SHLD1: variants seen among roughly 807,000 people sequenced by gnomAD.
SHLD1 encodes shieldin complex subunit 1.
In SHLD1, 3 loss-of-function variants were observed where a neutral mutation model predicts 5.5. The observed-to-expected ratio is 0.54, with a 90% CI of 0.25 to 1.40. The LOEUF (loss-of-function observed/expected upper bound fraction) is 1.40. SHLD1 is among the 40% of genes most tolerant of loss of function. SHLD1 has a pLI of 0.15. For synonymous variants in SHLD1, 92 were observed against 94.3 expected (o/e 0.98, Z 0.14); for missense variants, 210 against 244.4 (o/e 0.86, Z 0.94).
chr20:5,758,682 G>A (rs1364720493), intron 1 of SHLD1, among the ~76,000 whole-genome samples: 1 of 152,102 alleles, frequency 6.6e-6, no homozygotes, highest in African/African-American at 2.4e-5. Context: ...GCCTCCCAAA[G>A]TGCTGGGATT....
In SHLD1 at chr20:5,813,945, CTTTTTTT is replaced by C. The variant is rs143110037; in HGVS notation, c.178+40921_178+40927del. On this transcript the variant is annotated intron_variant, in intron 2 of 2. Coordinates refer to ENST00000303142, the MANE Select transcript of SHLD1 (RefSeq NM_152504.4). ...CTCAAACACCTTTTTCCTTTTCTTT[CTTTTTTT>C]TTTTTTTTTTTTTTTTTTGAGACAG... is the stretch of plus-strand genomic sequence containing the variant. 1.8e-3 allele frequency among the ~76,000 whole-genome samples: 144 copies of C among 79,986 alleles called. 1 individual carries two copies. Among genetic ancestry groups the C allele is most frequent in the African/African-American group, 6.2e-3 (132 of 21,270 alleles). The allele number at this position is 79,986 out of a possible 152,430, so 52.5% of individuals were successfully genotyped here.
At chr20:5,834,355 A>C (rs1478075294) in intron 2 of SHLD1, among the ~76,000 whole-genome samples, 2 of 152,230 alleles carry the variant, frequency 1.3e-5, no homozygotes, top group Admixed American at 1.3e-4. Context: ...ACTTTTATGC[A>C]GAAGAACTTA....
chr20:5,769,049 G>A (rs1985002851), intron 1 of SHLD1, among the ~76,000 whole-genome samples: 2 of 152,016 alleles, frequency 1.3e-5, no homozygotes, highest in Admixed American at 1.3e-4. Context: ...GGGACTATAG[G>A]CACATGCCAC....
intron 1 of SHLD1, among the ~76,000 whole-genome samples, chr20:5,766,135 C>T (rs1009257260): frequency 6.6e-6 from 1 of 152,152 alleles, no homozygotes; most frequent in Non-Finnish European, 1.5e-5. Context: ...TTCATTGACC[C>T]GTTTGTTCCC....
intron 2 of SHLD1, among the ~76,000 whole-genome samples, chr20:5,825,142 T>TA (rs2087651643): frequency 6.6e-6 from 1 of 152,212 alleles, no homozygotes; most frequent in South Asian, 2.1e-4. Flanking sequence ...CTCTTGCACA[T>TA]AAAAAATGAG....
intron 2 of SHLD1, among the ~76,000 whole-genome samples, chr20:5,843,219 G>A (rs1382298415): frequency 6.6e-6 from 1 of 151,200 alleles, no homozygotes; most frequent in Non-Finnish European, 1.5e-5. Flanking sequence ...TGGCTTAGAG[G>A]TTTTTAGACC....
intron 2 of SHLD1, among the ~76,000 whole-genome samples, chr20:5,807,430 A>G (rs2087394480): frequency 6.9e-6 from 1 of 145,654 alleles, no homozygotes; most frequent in Non-Finnish European, 1.5e-5. Context: ...TCTTTTGATA[A>G]TGCGATCATA....
At chr20:5,833,005 C>T (rs1057514400) in intron 2 of SHLD1, among the ~76,000 whole-genome samples, 3 of 151,996 alleles carry the variant, frequency 2.0e-5, no homozygotes, top group Admixed American at 1.3e-4. Context: ...TGGAACCATG[C>T]GGTGACTGGC....
At position 5,855,308 on chromosome 20, in the gene SHLD1, CAG is replaced by C. The variant is rs1279677995; in HGVS notation, c.179-7715_179-7714del. Among the ~76,000 whole-genome samples the C allele has an allele frequency of 1.3e-5, 2 of 152,172 alleles. No individual in the cohort carries two copies. Among genetic ancestry groups the C allele is most frequent in the African/African-American group, 4.8e-5 (2 of 41,430 alleles). ...TTCGTTCATGTTGTAGCGTGTGTCACAGTGTCCTTTCTTTTTAAGGCTGAATA... is the reference window on the plus strand; with the variant it reads ...TTCGTTCATGTTGTAGCGTGTGTCACTGTCCTTTCTTTTTAAGGCTGAATA... On this transcript the variant is annotated intron_variant, in intron 2 of 2. Coordinates refer to ENST00000303142, the MANE Select transcript of SHLD1 (RefSeq NM_152504.4). This position sits in a 1 kb window ranked among gnomAD's most constrained non-coding sequence, Gnocchi z 4.4.
intron 2 of SHLD1, among the ~76,000 whole-genome samples, chr20:5,854,946 C>G (rs1334176838): frequency 6.7e-6 from 1 of 148,942 alleles, no homozygotes; most frequent in Non-Finnish European, 1.5e-5. Flanking sequence ...TGATCACAGT[C>G]CATTGCTGCC....
At chr20:5,790,467 T>C (rs1421212711) in intron 2 of SHLD1, among the ~76,000 whole-genome samples, 3 of 150,690 alleles carry the variant, frequency 2.0e-5, no homozygotes, top group Non-Finnish European at 4.4e-5. Context: ...TTTTTTTTTT[T>C]TTTGAGTTGG....
intron 2 of SHLD1, among the ~76,000 whole-genome samples, chr20:5,851,362 A>G (rs1052408191): frequency 2.0e-5 from 3 of 152,090 alleles, no homozygotes; most frequent in African/African-American, 7.2e-5. Context: ...ATGGTGGTGC[A>G]TGCCTGCAGT....
chr20:5,772,236 G>T (rs1324675789), intron 1 of SHLD1: 1 of 446,776 alleles, frequency 2.2e-6, no homozygotes, highest in Non-Finnish European at 4.5e-6. Context: ...TATCTGACTT[G>T]CTGGCATCAC....
intron 2 of SHLD1, among the ~76,000 whole-genome samples, chr20:5,830,780 G>T (rs2087720332): frequency 6.6e-6 from 1 of 151,874 alleles, no homozygotes; most frequent in Non-Finnish European, 1.5e-5. Flanking sequence ...GGTCTTCTGG[G>T]GTTCTGGTGC....
chr20:5,854,497 T>G (rs1272106310), intron 2 of SHLD1, among the ~76,000 whole-genome samples: 1 of 152,156 alleles, frequency 6.6e-6, no homozygotes, highest in Non-Finnish European at 1.5e-5. Context: ...GCATTCCTCC[T>G]TAAGTTACTA....
intron 2 of SHLD1, among the ~76,000 whole-genome samples, chr20:5,820,591 A>G (rs981905513): frequency 2.4e-4 from 37 of 152,232 alleles, no homozygotes; most frequent in Non-Finnish European, 1.5e-5. Flanking sequence ...TTCACCAGGC[A>G]AACTCAGAGT....
At chr20:5,789,187 C>T (rs1319751992) in intron 2 of SHLD1, among the ~76,000 whole-genome samples, 3 of 132,290 alleles carry the variant, frequency 2.3e-5, no homozygotes, top group Middle Eastern at 3.5e-3. Context: ...TTTCTTTATA[C>T]GTTTGCCAAT....
chr20:5,807,917 A>C (rs2087402794), intron 2 of SHLD1, among the ~76,000 whole-genome samples: 1 of 152,194 alleles, frequency 6.6e-6, no homozygotes, highest in South Asian at 2.1e-4. Context: ...GCCTATTTTT[A>C]ATGATAAAGC....
At chr20:5,798,640 C>T (rs528247888) in intron 2 of SHLD1, among the ~76,000 whole-genome samples, 7 of 131,020 alleles carry the variant, frequency 5.3e-5, no homozygotes, top group East Asian at 2.3e-4. Context: ...TTTTTTGAGA[C>T]GGAGTCTTAC....
Sources: allele counts gnomAD v4.1 joint callset (sites outside exome capture counted in the v4.1 genomes callset), GRCh38; gene constraint gnomAD v4.1.1; non-coding constraint Gnocchi (gnomAD v3.1); transcripts MANE v1.5; gene names NCBI Gene and HGNC (gene_info 2026-07-23, HGNC 2026-07-21).